Variants in AGPAT2 observed in about 807,000 individuals in gnomAD.
AGPAT2 encodes 1-acyl-sn-glycerol-3-phosphate acyltransferase beta.
A neutral mutation model predicts 26.1 loss-of-function variants in AGPAT2; 18 were observed. The observed-to-expected ratio is 0.69, with a 90% CI of 0.48 to 1.02. The LOEUF (loss-of-function observed/expected upper bound fraction) is 1.02. Among genes scored for constraint, AGPAT2 ranks in the 50% least tolerant of loss-of-function variants. The probability of loss-of-function intolerance (pLI) is 0.00; values close to 1 mark genes in which losing one functional copy is unlikely to be tolerated. For synonymous variants in AGPAT2, 200 were observed against 174.2 expected, an observed-to-expected ratio of 1.15 and a Z score of -1.16; for missense variants, 415 against 394.9, an observed-to-expected ratio of 1.05 and a Z score of -0.43.
At position 136,687,259 on chromosome 9, in the gene AGPAT2, G is replaced by A. The variant is rs551151765; in HGVS notation, c.99C>T (p.Tyr33=). 2 of 1,591,362 alleles carry A rather than the reference G, an allele frequency of 1.3e-6. No individual in the cohort carries two copies. Among genetic ancestry groups the A allele is most frequent in the Admixed American group, 1.7e-5 (1 of 58,586 alleles). Residue 33 remains tyrosine (Y), a synonymous_variant, in exon 1 of 6, where the codon TAC becomes TAT. Transcript: ENST00000371696. ...AAEFYAKVAL[Y]CALCFTVSAV... is the part of the protein sequence containing the mutation. ...CGGACACCGTGAAGCACAGCGCGCA[G>A]TACAGGGCGACCTTGGCGTAGAACT...
At chr9:136,679,780 G>A (rs901681160) in intron 1 of AGPAT2, among the ~76,000 whole-genome samples, 1 of 152,214 alleles carries the variant, frequency 6.6e-6, no homozygotes, top group African/African-American at 2.4e-5. Context: ...TGCCAGCCAG[G>A]GTGTTGGGAA....
intron 1 of AGPAT2, among the ~76,000 whole-genome samples, chr9:136,684,411 C>T (rs539662999): frequency 1.3e-5 from 2 of 152,322 alleles, no homozygotes; most frequent in African/African-American, 2.4e-5. Flanking sequence ...GGGACACCCC[C>T]TGCCTGGAAG....
intron 4 of AGPAT2, among the ~76,000 whole-genome samples, chr9:136,675,412 G>A (rs1447902829): frequency 1.7e-5 from 1 of 59,056 alleles, no homozygotes; most frequent in Non-Finnish European, 4.3e-5. Flanking sequence ...GGGGCCAGCA[G>A]GTAGGCTGGG....
At position 136,687,243 on chromosome 9, in the gene AGPAT2, T is replaced by C. The variant is rs1846234489; in HGVS notation, c.115A>G (p.Thr39Ala). ...KVALYCALCF[T>A]VSAVASLVCL... The stretch of plus-strand genomic sequence containing the variant: ...ACGAGCGAGGCCACGGCGGACACCG[T>C]GAAGCACAGCGCGCAGTACAGGGCG... The change falls in exon 1 of 6, where the codon ACG becomes GCG. Residue 39 changes from threonine (T) to alanine (A), a missense_variant. By Grantham distance (58) the Thr-to-Ala change is moderately conservative (BLOSUM62 0). Transcript: ENST00000371696. The C allele has an allele frequency of 5.0e-6, 8 of 1,595,026 alleles. No individual in the cohort carries two copies. The highest frequency in any genetic ancestry group is 6.8e-6 in the Non-Finnish European group (8 of 1,174,508).
rs1846237097 is a variant in AGPAT2 at position 136,687,347 on chromosome 9, C to CAA, written c.10_11insTT (p.Trp4PhefsTer18). 2 of 1,539,670 alleles carry CAA rather than the reference C, an allele frequency of 1.3e-6. No homozygotes were observed. The highest frequency in any genetic ancestry group is 2.8e-5 in the African/African-American group (2 of 70,268). On this transcript the variant is annotated frameshift_variant, in exon 1 of 6. Coordinates refer to ENST00000371696, the MANE Select transcript of AGPAT2 (RefSeq NM_006412.4). LOFTEE classifies it high-confidence loss of function. The stretch of plus-strand genomic sequence containing the variant: ...CAGCAGCGCCGCGGCCAGACACGGC[C>CAA]ACAGCTCCATGGCCCGGCCCGGCGC...
rs962411053 is a variant in AGPAT2 at position 136,673,609 on chromosome 9, G to A, written c.*143C>T. 2 of 944,482 alleles carry A rather than the reference G, an allele frequency of 2.1e-6. No homozygotes were observed. The highest frequency in any genetic ancestry group is 1.7e-5 in the African/African-American group (1 of 58,472). The allele number at this position is 944,482 out of a possible 1,614,324, so 58.5% of individuals were successfully genotyped here. A position where few individuals can be genotyped will look rare whatever the true frequency, so the allele number is the denominator to read the frequency against. On this transcript the variant is annotated 3_prime_UTR_variant, in exon 6 of 6. Transcript: ENST00000371696. The stretch of plus-strand genomic sequence containing the variant: ...CTGTGTCTGAGGCCAGTGACAGAAG[G>A]GGCTTCCTGCTTCCCGGGCTGAGTG...
At chr9:136,683,085 G>C (rs559148680) in intron 1 of AGPAT2, among the ~76,000 whole-genome samples, 50 of 149,434 alleles carry the variant, frequency 3.3e-4, no homozygotes, top group Non-Finnish European at 4.6e-4. Context: ...AGGGGGGGAA[G>C]AATCCAAAAT....
rs1472489966 is a variant in AGPAT2, at chr9:136,675,402, GGGGCC to G, written c.589-600_589-596del. ...CTGGGGACTGGGAGCAGGGAGGGAG[GGGGCC>G]AGCAGGTAGGCTGGGGACTGGCAGC... On this transcript the variant is annotated intron_variant, in intron 4 of 5. Coordinates refer to ENST00000371696, the MANE Select transcript of AGPAT2 (RefSeq NM_006412.4). 1.2e-3 allele frequency among the ~76,000 whole-genome samples: 91 copies of G among 77,706 alleles called. 1 individual carries two copies. In the East Asian group the frequency reaches 0.017, roughly 14 times the overall value. The allele number at this position is 77,706 out of a possible 152,430, so 51.0% of individuals were successfully genotyped here. A position where few individuals can be genotyped will look rare whatever the true frequency, so the allele number is the denominator to read the frequency against.
At position 136,676,978 on chromosome 9, in the gene AGPAT2, G is replaced by T; in HGVS notation, c.475C>A (p.Arg159Ser). The change falls in exon 3 of 6, where the codon CGC becomes AGC. Residue 159 changes from arginine (R) to serine (S), a missense_variant. Transcript: ENST00000371696. Reference sequence around the variant, plus strand: ...ACACTCACGTTCTCCCTGACCATGCGCTCGCCCAGGTCGGCCATCACTGTC... The same window carrying T: ...ACACTCACGTTCTCCCTGACCATGCTCTCGCCCAGGTCGGCCATCACTGTC... Reference protein sequence around the residue: ...AMTVMADLGERMVRENLKVWI... With the variant: ...AMTVMADLGESMVRENLKVWI... The T allele has an allele frequency of 6.4e-7, 1 of 1,570,478 alleles. No individual in the cohort carries two copies. Among genetic ancestry groups the T allele is most frequent in the Non-Finnish European group, 8.7e-7 (1 of 1,153,692 alleles).
intron 1 of AGPAT2, among the ~76,000 whole-genome samples, chr9:136,678,294 G>C (rs894265141): frequency 6.6e-6 from 1 of 152,156 alleles, no homozygotes; most frequent in Non-Finnish European, 1.5e-5. Flanking sequence ...GCTGCCCTTG[G>C]AGCACCTGCA....
At chr9:136,681,677 C>T (rs1203837000) in intron 1 of AGPAT2, among the ~76,000 whole-genome samples, 1 of 152,184 alleles carries the variant, frequency 6.6e-6, no homozygotes, top group African/African-American at 2.4e-5. Context: ...TGGCAGCTGC[C>T]TGTAATCCCA....
At chr9:136,677,696 AG>A in intron 1 of AGPAT2, 140 bp from the exon 2 acceptor site, 1 of 1,038,374 alleles carries the variant, frequency 9.6e-7, no homozygotes, top group Non-Finnish European at 1.4e-6. Context: ...GACACAGGGG[AG>A]GGAGCCCCTG....
chr9:136,682,497 AC>A (rs1334962901), intron 1 of AGPAT2, among the ~76,000 whole-genome samples: 80 of 152,064 alleles, frequency 5.3e-4, no homozygotes, highest in African/African-American at 1.9e-3. Context: ...CAGGTCCTGG[AC>A]TCCTTGCCTC....
At chr9:136,674,296 C>T (rs1846058886) in intron 5 of AGPAT2, among the ~76,000 whole-genome samples, 1 of 152,188 alleles carries the variant, frequency 6.6e-6, no homozygotes, top group African/African-American at 2.4e-5. Context: ...AACTTTGACC[C>T]CACTGTCCTG....
intron 1 of AGPAT2, among the ~76,000 whole-genome samples, chr9:136,685,366 G>A (rs1203025793): frequency 6.6e-6 from 1 of 152,236 alleles, no homozygotes; most frequent in East Asian, 1.9e-4. Flanking sequence ...AGCAGGGCCA[G>A]TGCCAGCCAA....
Position 136,673,933 on chromosome 9 carries a change from G to A in AGPAT2, c.662-6C>T, listed in dbSNP as rs1306647446. The A allele has an allele frequency of 2.6e-6, 4 of 1,553,394 alleles. No homozygotes were observed. Among genetic ancestry groups the A allele is most frequent in the Non-Finnish European group, 3.5e-6 (4 of 1,146,988 alleles). The stretch of plus-strand genomic sequence containing the variant: ...CACCTGCACTGTGACTGTTCCTGTG[G>A]GGGAAGCAACAGACCTCAGTGGCCT... On this transcript the variant is annotated splice_polypyrimidine_tract_variant and splice_region_variant and intron_variant, in intron 5 of 5. Transcript: ENST00000371696.
At chr9:136,686,392 A>ACCC (rs1308082615) in intron 1 of AGPAT2, among the ~76,000 whole-genome samples, 5 of 152,144 alleles carry the variant, frequency 3.3e-5, no homozygotes, top group African/African-American at 1.2e-4. Context: ...TCCAGCAGCC[A>ACCC]CCCCGCCCAG....
chr9:136,683,074 GA>G (rs1276843890), intron 1 of AGPAT2, among the ~76,000 whole-genome samples: 31 of 143,386 alleles, frequency 2.2e-4, no homozygotes, highest in African/African-American at 4.0e-4. Flanking sequence ...GGGTGGGGGG[GA>G]GGGGGGGAAG....
chr9:136,682,163 GGGC>G, intron 1 of AGPAT2, among the ~76,000 whole-genome samples: 1 of 152,268 alleles, frequency 6.6e-6, no homozygotes. Context: ...AGTCGTGCTG[GGGC>G]GGCGCGGGCC....
Sources: gnomAD v4.1 joint callset for allele counts (sites outside exome capture counted in the v4.1 genomes callset) on GRCh38, gnomAD v4.1.1 for gene constraint, MANE v1.5 for transcripts, NCBI Gene and HGNC (gene_info 2026-07-23, HGNC 2026-07-21) for gene names.